STIMATE: variants seen among roughly 807,000 people sequenced by gnomAD.
STIMATE encodes the protein STIM activating enhancer.
A neutral mutation model predicts 36.7 loss-of-function variants in STIMATE; 15 were observed. The ratio of observed to expected loss-of-function variants is 0.41; its 90% CI spans 0.27 to 0.63. The LOEUF (loss-of-function observed/expected upper bound fraction) is 0.63. STIMATE is among the 20% of genes least tolerant of loss of function. The probability of loss-of-function intolerance (pLI) is 0.32; values close to 1 mark genes in which losing one functional copy is unlikely to be tolerated. For synonymous variants in STIMATE, 163 were observed against 162.3 expected, an observed-to-expected ratio of 1.00 and a Z score of -0.03; for missense variants, 305 against 397.3, an observed-to-expected ratio of 0.77 and a Z score of 1.98.
At chr3:52,882,562 C>G (rs1350771317) in intron 1 of STIMATE, among the ~76,000 whole-genome samples, 1 of 152,196 alleles carries the variant, frequency 6.6e-6, no homozygotes, top group Non-Finnish European at 1.5e-5. Flanking sequence ...CACGCTCATG[C>G]TCTCTGTTGA....
chr3:52,886,196 CCAAATGGTGTTT>C (rs1224056895), intron 1 of STIMATE, among the ~76,000 whole-genome samples: 1 of 152,112 alleles, frequency 6.6e-6, no homozygotes, highest in Non-Finnish European at 1.5e-5. Context: ...ACAGTGGGGA[CCAAATGGTGTTT>C]AAGACCTCCA....
chr3:52,855,275 A>G (rs1392506105), intron 2 of STIMATE, 121 bp downstream of exon 2: 2 of 1,230,124 alleles, frequency 1.6e-6, no homozygotes, highest in Non-Finnish European at 2.3e-6. Flanking sequence ...CATACATTAT[A>G]TTATGTATCA....
chr3:52,855,544 C>A, intron 1 of STIMATE, 100 bp from the exon 2 acceptor site: 1 of 1,523,512 alleles, frequency 6.6e-7, no homozygotes, highest in East Asian at 2.3e-5. Context: ...GTGTGTATAA[C>A]CAAGGTAATA....
chr3:52,844,739 T>C, intron 5 of STIMATE, 90 bp downstream of exon 5: 17 of 1,486,098 alleles, frequency 1.1e-5, no homozygotes, highest in Non-Finnish European at 1.6e-5. Context: ...ACAAGTTTGG[T>C]TTTCCTAGAG....
intron 1 of STIMATE, among the ~76,000 whole-genome samples, chr3:52,869,573 G>A (rs543885738): frequency 1.3e-5 from 2 of 152,190 alleles, no homozygotes; most frequent in African/African-American, 2.4e-5. Context: ...AGTCTCTTAT[G>A]CACATCTTTG....
chr3:52,891,679 T>C (rs1701784433), intron 1 of STIMATE, among the ~76,000 whole-genome samples: 1 of 151,858 alleles, frequency 6.6e-6, no homozygotes, highest in African/African-American at 2.4e-5. Context: ...TTTCTTTCTT[T>C]CTTTTTTTTT....
Position 52,842,872 on chromosome 3 carries a change from G to C in STIMATE, c.707C>G (p.Ser236Trp). 6.2e-7 allele frequency: 1 copy of C among 1,614,214 alleles called. No homozygotes were observed. Among genetic ancestry groups the C allele is most frequent in the Non-Finnish European group, 8.5e-7 (1 of 1,180,038 alleles). The change falls in exon 7 of 8, where the codon TCG becomes TGG. Residue 236 changes from serine to tryptophan, a missense_variant. By Grantham distance (177) the Ser-to-Trp change is radical (BLOSUM62 -3). Coordinates refer to ENST00000355083, the MANE Select transcript of STIMATE (RefSeq NM_198563.5). The part of the protein sequence containing the change: ...KLEERGANQD[S>W]RNGSKVRYRR... Reference sequence around the variant, plus strand: ...GTAGCGGACCTTGCTCCCATTCCTCGAGTCCTGGTTGGCTCCCCTTTCTTC... The same window carrying C: ...GTAGCGGACCTTGCTCCCATTCCTCCAGTCCTGGTTGGCTCCCCTTTCTTC...
At chr3:52,868,891 A>AT (rs2106699130) in intron 1 of STIMATE, among the ~76,000 whole-genome samples, 1 of 152,312 alleles carries the variant, frequency 6.6e-6, no homozygotes, top group African/African-American at 2.4e-5. Context: ...AAGTGCTGAG[A>AT]TTACAGGTGT....
intron 1 of STIMATE, chr3:52,896,091 G>T: frequency 2.1e-6 from 1 of 465,210 alleles, no homozygotes; most frequent in Non-Finnish European, 4.1e-6. Flanking sequence ...AGAAGAACGC[G>T]GTATCCATGA....
chr3:52,897,363 C>A lies in STIMATE; in HGVS notation c.88G>T (p.Gly30Cys), dbSNP rs1198181778. Residue 30 changes from glycine (G) to cysteine (C), a missense_variant, in exon 1 of 8, where the codon GGC becomes TGC. By Grantham distance (159) the Gly-to-Cys change is radical. This residue lies in a region of STIMATE where 57 missense variants were observed against 57.1 expected (regional missense o/e 1.00). Coordinates refer to ENST00000355083, the MANE Select transcript of STIMATE (RefSeq NM_198563.5). The stretch of plus-strand genomic sequence containing the variant: ...ATGCCGAAGCTGTGCATGAGCGCGC[C>A]GCTCTCGCAGCGGCCCGCCCCGGAC... Reference protein sequence around the residue: ...VASGAGRCESGALMHSFGIFL... With the variant: ...VASGAGRCESCALMHSFGIFL... 2 of 1,521,368 alleles carry A rather than the reference C, an allele frequency of 1.3e-6. No homozygotes were observed. The highest frequency in any genetic ancestry group is 1.8e-6 in the Non-Finnish European group (2 of 1,141,658). 94.2% of individuals were successfully genotyped at this position (1,521,368 alleles called of 1,614,324 possible). A position where few individuals can be genotyped will look rare whatever the true frequency, so the allele number is the denominator to read the frequency against.
At chr3:52,843,849 G>A (rs759336003) in intron 5 of STIMATE, 51 bp from the exon 6 acceptor site, 7 of 1,605,510 alleles carry the variant, frequency 4.4e-6, no homozygotes, top group Non-Finnish European at 6.0e-6. Context: ...CCGAGAGTGT[G>A]CCTGGGGTGG....
intron 1 of STIMATE, among the ~76,000 whole-genome samples, chr3:52,873,463 C>A (rs1461280336): frequency 6.6e-6 from 1 of 152,218 alleles, no homozygotes; most frequent in South Asian, 2.1e-4. Flanking sequence ...GCGAGTTGTA[C>A]AACCACTTGG....
chr3:52,877,385 T>A (rs1701517524), intron 1 of STIMATE, among the ~76,000 whole-genome samples: 1 of 152,220 alleles, frequency 6.6e-6, no homozygotes. Context: ...AGAGTTCCCT[T>A]TCTCATGCCA....
chr3:52,873,616 G>A (rs748797111), intron 1 of STIMATE, among the ~76,000 whole-genome samples: 5 of 152,192 alleles, frequency 3.3e-5, no homozygotes, highest in African/African-American at 4.8e-5. Flanking sequence ...TATCAGAGTT[G>A]CTGCTCCAAG....
At chr3:52,875,634 G>T (rs1321028874) in intron 1 of STIMATE, among the ~76,000 whole-genome samples, 1 of 152,196 alleles carries the variant, frequency 6.6e-6, no homozygotes, top group Non-Finnish European at 1.5e-5. Flanking sequence ...TTTGAATCTG[G>T]AAGGAAAGGG....
intron 1 of STIMATE, among the ~76,000 whole-genome samples, chr3:52,887,446 G>T (rs559881681): frequency 6.6e-6 from 1 of 152,314 alleles, no homozygotes; most frequent in African/African-American, 2.4e-5. Flanking sequence ...CACAGGAAAA[G>T]CTGGCAAAAG....
At chr3:52,872,712 G>A (rs746008590) in intron 1 of STIMATE, among the ~76,000 whole-genome samples, 9 of 152,132 alleles carry the variant, frequency 5.9e-5, no homozygotes, top group African/African-American at 1.7e-4. Context: ...TGCAACCTCC[G>A]CCTCCCGGGT....
chr3:52,880,268 G>A (rs1227177129), intron 1 of STIMATE, among the ~76,000 whole-genome samples: 4 of 152,194 alleles, frequency 2.6e-5, no homozygotes, highest in Non-Finnish European at 4.4e-5. Flanking sequence ...TCTTCACCAA[G>A]CCACCTGCAG....
At chr3:52,893,483 G>GT (rs1411827190) in intron 1 of STIMATE, among the ~76,000 whole-genome samples, 4 of 152,060 alleles carry the variant, frequency 2.6e-5, no homozygotes, top group African/African-American at 4.8e-5. Context: ...TGTTTTCTAC[G>GT]TTTGACATTT....
Sources: allele counts gnomAD v4.1 joint callset (sites outside exome capture counted in the v4.1 genomes callset), GRCh38; gene constraint gnomAD v4.1.1; regional missense constraint gnomAD v4.1.1; transcripts MANE v1.5; gene names NCBI Gene and HGNC (gene_info 2026-07-23, HGNC 2026-07-21).